The following SLITRK4 variants were observed in gnomAD, a reference collection of about 807,000 sequenced individuals.
SLITRK4 encodes the protein SLIT and NTRK like family member 4.
Under a neutral mutation model 34.7 loss-of-function variants are expected in SLITRK4, and 7 were observed. The observed-to-expected ratio is 0.20, with a 90% CI of 0.11 to 0.38. The LOEUF is 0.38. Ranked by LOEUF, SLITRK4 falls within the 10% of genes least tolerant of loss-of-function variation. SLITRK4 has a pLI of 1.00. For missense variants in SLITRK4, 474 were observed against 607.0 expected, an observed-to-expected ratio of 0.78 and a Z score of 2.30; for synonymous variants, 237 against 246.2, an observed-to-expected ratio of 0.96 and a Z score of 0.35.
Position 143,628,613 on chromosome X carries a change from T to C in SLITRK4, c.2496A>G (p.Thr832=), listed in dbSNP as rs1367481660. Reference sequence around the variant, plus strand: ...ACATGACCTAGATCTTGTTCAAAGCTGTTTGCTCCTCAAGGACCTGTAGGT... The same window carrying C: ...ACATGACCTAGATCTTGTTCAAAGCCGTTTGCTCCTCAAGGACCTGTAGGT... The part of the protein sequence containing the change: ...PDYLQVLEEQ[T]ALNKI Residue 832 remains threonine (T), a synonymous_variant, in exon 2 of 2, where the codon ACA becomes ACG. Transcript: ENST00000356928. 1.7e-6 allele frequency: 2 copies of C among 1,189,888 alleles called. No individual in the cohort carries two copies. Among genetic ancestry groups the C allele is most frequent in the Middle Eastern group, 2.4e-4 (1 of 4,248 alleles).
At position 143,630,970 on chromosome X, in the gene SLITRK4, A is replaced by G. The variant is rs1556428292; in HGVS notation, c.139T>C (p.Ser47Pro). The change falls in exon 2 of 2, where the codon TCA (serine) becomes CCA (proline). Residue 47 changes from serine (S) to proline (P), a missense_variant. Physicochemically the swap from Ser to Pro is moderately conservative, Grantham distance 74. Coordinates refer to ENST00000356928, the MANE Select transcript of SLITRK4 (RefSeq NM_001184749.3). ...TTCAGCTGATTTGGTCTGTAGACTG[A>G]AACCTTCTCACAGTTGACATAGAGC... is the stretch of plus-strand genomic sequence containing the variant. ...NVLYVNCEKV[S>P]VYRPNQLKPP... 1 of 1,209,632 alleles carries G rather than the reference A, an allele frequency of 8.3e-7. No individual in the cohort carries two copies. Among genetic ancestry groups the G allele is most frequent in the Middle Eastern group, 2.3e-4 (1 of 4,350 alleles).
intron 1 of SLITRK4, among the ~76,000 whole-genome samples, chrX:143,633,868 G>C (rs1469158692): frequency 8.9e-6 from 1 of 112,746 alleles, no homozygotes; most frequent in Non-Finnish European, 1.9e-5. Context: ...CCTGTTCCCG[G>C]AGCCGGCCGC....
At chrX:143,632,732 C>T in intron 1 of SLITRK4, among the ~76,000 whole-genome samples, 1 of 111,892 alleles carries the variant, frequency 8.9e-6, no homozygotes, top group East Asian at 2.8e-4. Flanking sequence ...TGCTGAGATG[C>T]TATTTGGCTG....
chrX:143,634,962 A>G (rs1931182659), intron 1 of SLITRK4: 1 of 108,338 alleles, frequency 9.2e-6, no homozygotes, highest in Non-Finnish European at 1.9e-5. Flanking sequence ...GTGATTCCGG[A>G]CAGAGCTCCT....
At position 143,629,329 on chromosome X, in the gene SLITRK4, G is replaced by A; in HGVS notation, c.1780C>T (p.Pro594Ser). The A allele has an allele frequency of 7.4e-6, 9 of 1,211,784 alleles. No individual in the cohort carries two copies. The highest frequency in any genetic ancestry group is 1.0e-5 in the Non-Finnish European group (9 of 895,514). The change falls in exon 2 of 2, where the codon CCT becomes TCT. Residue 594 changes from proline (P) to serine (S), a missense_variant. Transcript: ENST00000356928. The stretch of plus-strand genomic sequence containing the variant: ...GTGGTGAATGTAATGGCAGGTGCAG[G>A]GCTTGTGAATGGTGCAGACGGCTTA... ...LNKPSAPFTS[P>S]APAITFTTPL...
Position 143,631,056 on chromosome X carries a change from G to T in SLITRK4, c.53C>A (p.Ala18Glu), listed in dbSNP as rs906371486. The T allele has an allele frequency of 8.4e-7, 1 of 1,190,047 alleles. No individual in the cohort carries two copies. Among genetic ancestry groups the T allele is most frequent in the Non-Finnish European group, 1.1e-6 (1 of 888,073 alleles). The change falls in exon 2 of 2, where the codon GCA (alanine) becomes GAA (glutamate). Residue 18 changes from alanine (A) to glutamate (E), a missense_variant. Ala to Glu is a moderately radical substitution (Grantham distance 107). Transcript: ENST00000356928. ...AATTTCCACCGATATGTCAGAATCT[G>T]CATTTGTCGAAGAAATCAGGGCTGA... ...ILSALISSTN[A>E]DSDISVEICN...
chrX:143,633,353 A>G (rs1931111217), intron 1 of SLITRK4, among the ~76,000 whole-genome samples: 1 of 111,445 alleles, frequency 9.0e-6, no homozygotes, highest in South Asian at 3.8e-4. Context: ...GGAGCACTGA[A>G]TGTATGCGAA....
At position 143,628,844 on chromosome X, in the gene SLITRK4, G is replaced by A. The variant is rs182233364; in HGVS notation, c.2265C>T (p.Ser755=). Residue 755 remains serine, a synonymous_variant, in exon 2 of 2, where the codon TCC becomes TCT. Coordinates refer to ENST00000356928, the MANE Select transcript of SLITRK4 (RefSeq NM_001184749.3). ...CAAGAAAATTCTGAATAAACACATT[G>A]GAATCCCTGCTAGGGAATAATTCAT... ...ELDELFPSRD[S]NVFIQNFLES... is the part of the protein sequence containing the mutation. 307 of 1,208,515 alleles carry A rather than the reference G, an allele frequency of 2.5e-4. 2 individuals are homozygous for A. In the East Asian group the frequency reaches 7.8e-3, roughly 31 times the overall value.
Position 143,630,003 on chromosome X carries a change from A to G in SLITRK4, c.1106T>C (p.Met369Thr). The G allele has an allele frequency of 1.7e-6, 2 of 1,211,768 alleles. No homozygotes were observed. Among genetic ancestry groups the G allele is most frequent in the Non-Finnish European group, 2.2e-6 (2 of 895,547 alleles). ...TAAAGGTTTCGGTATCAGTTCAGAC[A>G]TAGACTGTATATTTTTCTCTTGGCA... Reference protein sequence around the residue: ...VNCQEKNIQSMSELIPKPLNA... With the variant: ...VNCQEKNIQSTSELIPKPLNA... Residue 369 changes from methionine (M) to threonine (T), a missense_variant, in exon 2 of 2, where the codon ATG becomes ACG. By Grantham distance (81) the Met-to-Thr change is moderately conservative. Coordinates refer to ENST00000356928, the MANE Select transcript of SLITRK4 (RefSeq NM_001184749.3).
At position 143,629,024 on chromosome X, in the gene SLITRK4, G is replaced by A; in HGVS notation, c.2085C>T (p.Ser695=). The change falls in exon 2 of 2, where the codon AGC becomes AGT. Residue 695 remains serine (S), a synonymous_variant. Transcript: ENST00000356928. ...AFIPQTIEQM[S]KSHTCGLKES... is the part of the protein sequence containing the mutation. ...CTTTCAAGCCACAAGTGTGGCTCTT[G>A]CTCATCTGTTCTATAGTTTGTGGAA... The A allele has an allele frequency of 8.3e-7, 1 of 1,211,473 alleles. No individual in the cohort carries two copies. The highest frequency in any genetic ancestry group is 1.1e-6 in the Non-Finnish European group (1 of 895,468).
chrX:143,630,967 C>T lies in SLITRK4; in HGVS notation c.142G>A (p.Val48Ile), dbSNP rs1931012512. The change falls in exon 2 of 2, where the codon GTC (valine) becomes ATC (isoleucine). Residue 48 changes from valine to isoleucine, a missense_variant. By Grantham distance (29) the Val-to-Ile change is conservative. Around this residue, in one of 3 missense-constraint regions of SLITRK4, gnomAD observed 84 missense variants for 101.3 expected, o/e 0.83. Transcript: ENST00000356928. ...VLYVNCEKVS[V>I]YRPNQLKPPW... ...GGTTTCAGCTGATTTGGTCTGTAGA[C>T]TGAAACCTTCTCACAGTTGACATAG... 3.3e-6 allele frequency: 4 copies of T among 1,210,893 alleles called. No individual in the cohort carries two copies. Among genetic ancestry groups the T allele is most frequent in the Non-Finnish European group, 4.5e-6 (4 of 895,256 alleles).
rs782019289 is a variant in SLITRK4 at position 143,632,427 on chromosome X, T to C, written c.-50-1269A>G. On this transcript the variant is annotated intron_variant, in intron 1 of 1. Transcript: ENST00000356928. ...AAAAGATTAAACAACACAAGCAGAGTGCATTTTATTGATACTATTTTAGCA... is the reference window on the plus strand; with the variant it reads ...AAAAGATTAAACAACACAAGCAGAGCGCATTTTATTGATACTATTTTAGCA... Among the ~76,000 whole-genome samples, 46 of 111,470 alleles carry C rather than the reference T, an allele frequency of 4.1e-4. No individual in the cohort carries two copies. In the South Asian group the frequency reaches 0.017, roughly 42 times the overall value.
chrX:143,630,335 T>C lies in SLITRK4; in HGVS notation c.774A>G (p.Lys258=). Residue 258 remains lysine, a synonymous_variant, in exon 2 of 2, where the codon AAA becomes AAG. Transcript: ENST00000356928. Reference sequence around the variant, plus strand: ...CGGTGCCCATGGGACATAGCTCTTGTTTGTTGGTTTCTTTTAAAAGCCTTC... The same window carrying C: ...CGGTGCCCATGGGACATAGCTCTTGCTTGTTGGTTTCTTTTAAAAGCCTTC... ...LYGRLLKETN[K]QELCPMGTGS... The C allele has an allele frequency of 1.7e-6, 2 of 1,211,519 alleles. No homozygotes were observed. The highest frequency in any genetic ancestry group is 2.2e-6 in the Non-Finnish European group (2 of 895,505).
intron 1 of SLITRK4, among the ~76,000 whole-genome samples, chrX:143,633,901 C>T (rs1227419998): frequency 4.4e-5 from 5 of 112,972 alleles, no homozygotes; most frequent in Admixed American, 2.8e-4. Context: ...GCGTCAGGGG[C>T]CCAAGCAGCA....
At position 143,629,272 on chromosome X, in the gene SLITRK4, C is replaced by G; in HGVS notation, c.1837G>C (p.Gly613Arg). The G allele has an allele frequency of 1.7e-6, 2 of 1,211,986 alleles. No homozygotes were observed. Among genetic ancestry groups the G allele is most frequent in the Non-Finnish European group, 2.2e-6 (2 of 895,596 alleles). ...PLGPIRSPPG[G>R]PVPLSILILS... is the part of the protein sequence containing the mutation. ...ATTAAAATAGACAGAGGCACTGGCC[C>G]ACCAGGAGGACTTCGAATGGGACCC... Residue 613 changes from glycine to arginine, a missense_variant, in exon 2 of 2, where the codon GGG becomes CGG. This residue lies in a region of SLITRK4 where 345 missense variants were observed against 406.5 expected (regional missense o/e 0.85). Coordinates refer to ENST00000356928, the MANE Select transcript of SLITRK4 (RefSeq NM_001184749.3).
In SLITRK4 at chrX:143,629,263, G is replaced by A; in HGVS notation, c.1846C>T (p.Pro616Ser). Residue 616 changes from proline to serine, a missense_variant, in exon 2 of 2, where the codon CCT becomes TCT. Physicochemically the swap from Pro to Ser is moderately conservative, Grantham distance 74. Transcript: ENST00000356928. ...ATACTTAAGATTAAAATAGACAGAG[G>A]CACTGGCCCACCAGGAGGACTTCGA... ...PIRSPPGGPV[P>S]LSILILSILV... is the part of the protein sequence containing the mutation. 8.3e-7 allele frequency: 1 copy of A among 1,211,961 alleles called. No homozygotes were observed. The highest frequency in any genetic ancestry group is 1.1e-6 in the Non-Finnish European group (1 of 895,590).
At chrX:143,632,503 G>A (rs1931073781) in intron 1 of SLITRK4, among the ~76,000 whole-genome samples, 1 of 111,626 alleles carries the variant, frequency 9.0e-6, no homozygotes, top group South Asian at 3.8e-4. Context: ...TTTCAATATC[G>A]TTATCTCCAA....
chrX:143,629,156 C>T lies in SLITRK4; in HGVS notation c.1953G>A (p.Val651=). The change falls in exon 2 of 2, where the codon GTG becomes GTA. Residue 651 remains valine, a synonymous_variant. Coordinates refer to ENST00000356928, the MANE Select transcript of SLITRK4 (RefSeq NM_001184749.3). ...FVLRRNKKPT[V]KHEGLGNPDC... ...CAGGATTCCCCAGGCCTTCGTGCTT[C>T]ACTGTGGGTTTCTTGTTGCGTCGCA... The T allele has an allele frequency of 5.0e-6, 6 of 1,211,775 alleles. No homozygotes were observed. Among genetic ancestry groups the T allele is most frequent in the Non-Finnish European group, 6.7e-6 (6 of 895,560 alleles).
intron 1 of SLITRK4, among the ~76,000 whole-genome samples, chrX:143,633,125 G>C (rs1478151978): frequency 4.5e-5 from 5 of 110,916 alleles, no homozygotes; most frequent in East Asian, 2.9e-4. Flanking sequence ...AGTAGCAAGG[G>C]GGGGAAAAGG....
Sources: gnomAD v4.1 joint callset for allele counts (sites outside exome capture counted in the v4.1 genomes callset) on GRCh38, gnomAD v4.1.1 for gene constraint, gnomAD v4.1.1 regional missense constraint, MANE v1.5 for transcripts, NCBI Gene and HGNC (gene_info 2026-07-23, HGNC 2026-07-21) for gene names.